Variants in ELF1 observed in about 807,000 individuals in gnomAD.
ELF1 encodes ETS-related transcription factor Elf-1.
A neutral mutation model predicts 59.9 loss-of-function variants in ELF1; 24 were observed. That is an observed-to-expected ratio of 0.40 (90% CI 0.29 to 0.56). The LOEUF (loss-of-function observed/expected upper bound fraction) is 0.56, where lower values mean the gene tolerates loss of function less well. ELF1 is among the 20% of genes least tolerant of loss of function. ELF1 has a pLI of 0.44. For missense variants in ELF1, 627 were observed against 742.2 expected (o/e 0.84, Z 1.80); for synonymous variants, 248 against 266.2 (o/e 0.93, Z 0.67).
chr13:41,044,214 T>C (rs900093620), intron 1 of ELF1, among the ~76,000 whole-genome samples: 1 of 152,202 alleles, frequency 6.6e-6, no homozygotes, highest in African/African-American at 2.4e-5. Flanking sequence ...AATGGGGTTT[T>C]CTAGACATAC....
At chr13:40,943,617 G>A (rs1035309350) in intron 6 of ELF1, among the ~76,000 whole-genome samples, 1 of 152,132 alleles carries the variant, frequency 6.6e-6, no homozygotes, top group South Asian at 2.1e-4. Context: ...TTTATTAAAT[G>A]AAAAGAATAG....
chr13:40,933,285 TA>T lies in ELF1; in HGVS notation c.*139del. ...AACAGTTGAGTTTTCCTCCCTCATC[TA>T]ACAAAGTCAAAATTAACTCTATTTT... On this transcript the variant is annotated 3_prime_UTR_variant, in exon 9 of 9. Transcript: ENST00000239882. 1.7e-6 allele frequency: 2 copies of T among 1,149,532 alleles called. No homozygotes were observed. Among genetic ancestry groups the T allele is most frequent in the Non-Finnish European group, 2.4e-6 (2 of 841,980 alleles). The allele number at this position is 1,149,532 out of a possible 1,614,324, so 71.2% of individuals were successfully genotyped here. A position where few individuals can be genotyped will look rare whatever the true frequency, so the allele number is the denominator to read the frequency against.
At chr13:40,944,579 A>G (rs1870388928) in intron 5 of ELF1, among the ~76,000 whole-genome samples, 1 of 152,204 alleles carries the variant, frequency 6.6e-6, no homozygotes, top group African/African-American at 2.4e-5. Flanking sequence ...TGTCTAAATA[A>G]GTCCATCCCA....
At chr13:40,947,987 T>C (rs754983558) in intron 5 of ELF1, among the ~76,000 whole-genome samples, 5 of 152,114 alleles carry the variant, frequency 3.3e-5, no homozygotes, top group Non-Finnish European at 5.9e-5. Flanking sequence ...TAACAGAACA[T>C]GGATTTATCT....
At chr13:41,017,155 T>C (rs963673264) in intron 1 of ELF1, among the ~76,000 whole-genome samples, 3 of 151,508 alleles carry the variant, frequency 2.0e-5, no homozygotes, top group Non-Finnish European at 4.4e-5. Flanking sequence ...GCATCATCTT[T>C]CTGATGAAAA....
intron 1 of ELF1, among the ~76,000 whole-genome samples, chr13:41,045,317 C>T (rs1464873023): frequency 1.3e-5 from 2 of 149,126 alleles, no homozygotes; most frequent in African/African-American, 4.9e-5. Flanking sequence ...TTACTTATTT[C>T]TTGCCTTCTG....
intron 7 of ELF1, 149 bp from the exon 8 acceptor site, chr13:40,941,519 GA>G: frequency 1.4e-6 from 1 of 713,998 alleles, no homozygotes; most frequent in Non-Finnish European, 2.3e-6. Context: ...TATTTTATAT[GA>G]GATAAACATA....
At chr13:41,032,190 C>T (rs923647746) in intron 1 of ELF1, among the ~76,000 whole-genome samples, 3 of 150,886 alleles carry the variant, frequency 2.0e-5, no homozygotes, top group Non-Finnish European at 4.4e-5. Flanking sequence ...TAGAATGCCT[C>T]TCCATTTTTA....
In ELF1 at chr13:40,941,083, G is replaced by A. The variant is rs956883787; in HGVS notation, c.1094C>T (p.Ser365Leu). The change falls in exon 8 of 9, where the codon TCA becomes TTA. Residue 365 changes from serine (S) to leucine (L), a missense_variant. This residue lies in a region of ELF1 where 361 missense variants were observed against 396.1 expected (regional missense o/e 0.91). Coordinates refer to ENST00000239882, the MANE Select transcript of ELF1 (RefSeq NM_172373.4). ...PKDPVEVAQPSEVLRTVQPTQ... is the reference protein window; with the variant it reads ...PKDPVEVAQPLEVLRTVQPTQ... ...GGGCTGCACTGTCCTCAAAACTTCTGATGGTTGTGCAACTTCCACAGGATC... is the reference window on the plus strand; with the variant it reads ...GGGCTGCACTGTCCTCAAAACTTCTAATGGTTGTGCAACTTCCACAGGATC... The A allele has an allele frequency of 1.2e-6, 2 of 1,614,068 alleles. No homozygotes were observed. Among genetic ancestry groups the A allele is most frequent in the African/African-American group, 2.7e-5 (2 of 74,930 alleles).
At chr13:40,967,127 C>T (rs985500290) in intron 2 of ELF1, among the ~76,000 whole-genome samples, 3 of 152,220 alleles carry the variant, frequency 2.0e-5, no homozygotes, top group Admixed American at 6.5e-5. Context: ...AAGCCTTATC[C>T]TATGAAGACA....
intron 1 of ELF1, among the ~76,000 whole-genome samples, chr13:41,005,147 T>C (rs1874665893): frequency 6.6e-6 from 1 of 152,064 alleles, no homozygotes; most frequent in South Asian, 2.1e-4. Flanking sequence ...TATATGAAAG[T>C]ACAGTAGCAC....
In ELF1 at chr13:40,933,500, T is replaced by C. The variant is rs1487373827; in HGVS notation, c.1785A>G (p.Val595=). ...TEQQPQPYVM[V]VSSSNGFTSQ... ...AAGTAAATCCATTGGAACTGGACAC[T>C]ACCATCACATAAGGCTGTGGCTGCT... is the stretch of plus-strand genomic sequence containing the variant. Residue 595 remains valine (V), a synonymous_variant, in exon 9 of 9, where the codon GTA becomes GTG. Coordinates refer to ENST00000239882, the MANE Select transcript of ELF1 (RefSeq NM_172373.4). The C allele has an allele frequency of 1.9e-6, 3 of 1,614,140 alleles. No homozygotes were observed. The highest frequency in any genetic ancestry group is 2.2e-5 in the East Asian group (1 of 44,896).
At chr13:41,010,445 CT>C (rs1874989852) in intron 1 of ELF1, among the ~76,000 whole-genome samples, 1 of 147,942 alleles carries the variant, frequency 6.8e-6, no homozygotes, top group Non-Finnish European at 1.5e-5. Flanking sequence ...GGCTACACCC[CT>C]ATCTCCCCCC....
At chr13:40,976,564 G>A (rs528722439) in intron 2 of ELF1, among the ~76,000 whole-genome samples, 2 of 152,244 alleles carry the variant, frequency 1.3e-5, no homozygotes, top group African/African-American at 4.8e-5. Context: ...TGTTTTAGAC[G>A]GAGTTTCACT....
At chr13:41,055,849 A>G (rs1877269245) in intron 1 of ELF1, among the ~76,000 whole-genome samples, 1 of 150,640 alleles carries the variant, frequency 6.6e-6, no homozygotes, top group Non-Finnish European at 1.5e-5. Context: ...CACACCAGCT[A>G]ATTTTTGTTT....
intron 2 of ELF1, among the ~76,000 whole-genome samples, chr13:40,971,650 C>T (rs1414036097): frequency 1.3e-5 from 2 of 152,172 alleles, no homozygotes; most frequent in Admixed American, 1.3e-4. Context: ...CAGAATTCCC[C>T]AAGATAATGT....
At chr13:41,016,849 A>C (rs1204100063) in intron 1 of ELF1, among the ~76,000 whole-genome samples, 3 of 138,806 alleles carry the variant, frequency 2.2e-5, no homozygotes, top group Non-Finnish European at 4.6e-5. Context: ...GGGAGACGGA[A>C]GTTGCAGTGA....
intron 1 of ELF1, among the ~76,000 whole-genome samples, chr13:41,029,770 T>C (rs908951279): frequency 1.3e-5 from 2 of 152,218 alleles, no homozygotes; most frequent in African/African-American, 2.4e-5. Context: ...AGGACCTGGA[T>C]AGAAAGGTGA....
intron 8 of ELF1, among the ~76,000 whole-genome samples, chr13:40,935,959 A>T (rs1174805246): frequency 6.6e-6 from 1 of 152,150 alleles, no homozygotes; most frequent in Non-Finnish European, 1.5e-5. Context: ...TTTTTAAATA[A>T]AAAAGGCCTA....
Sources: allele counts gnomAD v4.1 joint callset (sites outside exome capture counted in the v4.1 genomes callset), GRCh38; gene constraint gnomAD v4.1.1; regional missense constraint gnomAD v4.1.1; transcripts MANE v1.5; gene names NCBI Gene and HGNC (gene_info 2026-07-23, HGNC 2026-07-21).